CTDP1: variants seen among roughly 807,000 people sequenced by gnomAD.
CTDP1 encodes the protein RNA polymerase II subunit A C-terminal domain phosphatase.
In CTDP1, 47 loss-of-function variants were observed where a neutral mutation model predicts 91.8. The observed-to-expected ratio is 0.51, with a 90% confidence interval of 0.41 to 0.65. The LOEUF (loss-of-function observed/expected upper bound fraction) is 0.65, where lower values mean the gene tolerates loss of function less well. CTDP1 is among the 30% of genes least tolerant of loss of function. The probability of loss-of-function intolerance (pLI) is 0.00; values close to 1 mark genes in which losing one functional copy is unlikely to be tolerated. For synonymous variants in CTDP1, 656 were observed against 598.5 expected (o/e 1.10, Z -1.40); for missense variants, 1,272 against 1,373.7 (o/e 0.93, Z 1.17).
chr18:79,702,506 T>C (rs2085881503), intron 4 of CTDP1, among the ~76,000 whole-genome samples: 1 of 152,162 alleles, frequency 6.6e-6, no homozygotes, highest in Non-Finnish European at 1.5e-5. Context: ...CCCGAGTAGC[T>C]GGGACTACAG....
chr18:79,744,649 C>T (rs1373315599), intron 12 of CTDP1, among the ~76,000 whole-genome samples: 5 of 152,190 alleles, frequency 3.3e-5, no homozygotes, highest in African/African-American at 1.2e-4. Context: ...GATGGAATTA[C>T]GATGCTAAGA....
In CTDP1 at chr18:79,753,746, G is replaced by A. The variant is rs752541457; in HGVS notation, c.2842G>A (p.Glu948Lys). Residue 948 changes from glutamate (E) to lysine (K), a missense_variant, in exon 13 of 13, where the codon GAG becomes AAG. By Grantham distance (56) the Glu-to-Lys change is moderately conservative. Coordinates refer to ENST00000613122, the MANE Select transcript of CTDP1 (RefSeq NM_004715.5). ...TGAGGGCAGCAGCTCCGAGGCCGAC[G>A]AGATGGCCAAGGCGCTGGAGGCGGA... The part of the protein sequence containing the change: ...EDEGSSSEAD[E>K]MAKALEAELN... 13 of 1,613,778 alleles carry A rather than the reference G, an allele frequency of 8.1e-6. No homozygotes were observed. Among genetic ancestry groups the A allele is most frequent in the Middle Eastern group, 1.6e-4 (1 of 6,082 alleles).
intron 4 of CTDP1, among the ~76,000 whole-genome samples, chr18:79,700,219 A>T (rs1193272807): frequency 6.6e-6 from 1 of 152,192 alleles, no homozygotes; most frequent in Non-Finnish European, 1.5e-5. Flanking sequence ...AGGAAGGCTC[A>T]CCAGTCTCTC....
intron 10 of CTDP1, among the ~76,000 whole-genome samples, chr18:79,724,951 T>A (rs1043165029): frequency 1.3e-5 from 2 of 152,160 alleles, no homozygotes; most frequent in Admixed American, 6.5e-5. Flanking sequence ...TGTTTCTGGG[T>A]TTTCTGCCCG....
intron 12 of CTDP1, among the ~76,000 whole-genome samples, chr18:79,736,866 G>T (rs1599301970): frequency 6.7e-6 from 1 of 148,192 alleles, no homozygotes; most frequent in Non-Finnish European, 1.5e-5. Flanking sequence ...CGTGTGTGAG[G>T]TATCTACACG....
chr18:79,740,938 C>T (rs897402186), intron 12 of CTDP1, among the ~76,000 whole-genome samples: 1 of 152,188 alleles, frequency 6.6e-6, no homozygotes, highest in Non-Finnish European at 1.5e-5. Flanking sequence ...CCGAAAAGAA[C>T]AGGCGCCCAG....
chr18:79,725,218 GGGCCTGTGGGGCTGCACTT>G (rs2086421255), intron 10 of CTDP1, among the ~76,000 whole-genome samples: 1 of 152,152 alleles, frequency 6.6e-6, no homozygotes, highest in African/African-American at 2.4e-5. Flanking sequence ...TGACGTTGAG[GGGCCTGTGGGGCTGCACTT>G]GTCACGTTGT....
rs533224941 is a variant in CTDP1, at chr18:79,685,937, A to G, written c.314+5676A>G. Among the ~76,000 whole-genome samples the G allele has an allele frequency of 3.9e-5, 6 of 152,332 alleles. No individual in the cohort carries two copies. In the South Asian group the frequency reaches 1.0e-3, roughly 26 times the overall value. On this transcript the variant is annotated intron_variant, in intron 1 of 12. Coordinates refer to ENST00000613122, the MANE Select transcript of CTDP1 (RefSeq NM_004715.5). ...TGTTGACGCCTGCACTATTTAAAGG[A>G]TGATACTTTAAAAAAGATATTTGTG...
intron 10 of CTDP1, among the ~76,000 whole-genome samples, chr18:79,722,140 G>A (rs956718496): frequency 3.9e-5 from 6 of 152,146 alleles, no homozygotes; most frequent in African/African-American, 1.4e-4. Context: ...AAGTGAGCTA[G>A]GAATTTCTAA....
chr18:79,729,154 G>T (rs1568207937), intron 11 of CTDP1, 85 bp downstream of exon 11: 17 of 1,569,906 alleles, frequency 1.1e-5, no homozygotes, highest in African/African-American at 1.4e-5. Context: ...TTGCTGAGCT[G>T]TGCACCTGGA....
At position 79,679,821 on chromosome 18, in the gene CTDP1, C is replaced by T. The variant is rs2085315381; in HGVS notation, c.-127C>T. Reference sequence around the variant, plus strand: ...CTCCAGGAAGTCGGCGCGGGCTAGGCGACGGGTGGAAGCCGGTACCGAGAG... The same window carrying T: ...CTCCAGGAAGTCGGCGCGGGCTAGGTGACGGGTGGAAGCCGGTACCGAGAG... On this transcript the variant is annotated 5_prime_UTR_variant, in exon 1 of 13. Coordinates refer to ENST00000613122, the MANE Select transcript of CTDP1 (RefSeq NM_004715.5). The T allele has an allele frequency of 1.1e-6, 1 of 930,772 alleles. No individual in the cohort carries two copies. The highest frequency in any genetic ancestry group is 1.5e-6 in the Non-Finnish European group (1 of 663,190). The allele number at this position is 930,772 out of a possible 1,614,324, so 57.7% of individuals were successfully genotyped here.
chr18:79,706,127 C>T (rs2085962851), intron 5 of CTDP1, among the ~76,000 whole-genome samples: 1 of 152,180 alleles, frequency 6.6e-6, no homozygotes, highest in South Asian at 2.1e-4. Context: ...GGAATCAGGG[C>T]CCTTACCCAG....
chr18:79,711,309 G>T (rs761682299), intron 6 of CTDP1, among the ~76,000 whole-genome samples: 1 of 152,144 alleles, frequency 6.6e-6, no homozygotes, highest in Non-Finnish European at 1.5e-5. Context: ...CGAAGACCTG[G>T]CATCGAGATT....
chr18:79,735,444 C>T (rs551437617), intron 11 of CTDP1, among the ~76,000 whole-genome samples: 11 of 152,346 alleles, frequency 7.2e-5, no homozygotes, highest in South Asian at 2.1e-4. Flanking sequence ...TGGGAGCCCC[C>T]GGGAGAGCTG....
rs1412401895 is a variant in CTDP1, at chr18:79,726,795, GAA to G, written c.2418-2111_2418-2110del. 2.1e-3 allele frequency among the ~76,000 whole-genome samples: 249 copies of G among 119,110 alleles called. 3 individuals are homozygous for G. The East Asian group carries it at 0.028, about 13-fold the overall frequency. The allele number at this position is 119,110 out of a possible 152,430, so 78.1% of individuals were successfully genotyped here. On this transcript the variant is annotated intron_variant, in intron 10 of 12. Coordinates refer to ENST00000613122, the MANE Select transcript of CTDP1 (RefSeq NM_004715.5). The stretch of plus-strand genomic sequence containing the variant: ...CCATTGCTGGTGGACGGCTGTGGGG[GAA>G]GGGGGTGACGCTGTTGCTGGTGGAC...
rs2085322653 is a variant in CTDP1, at chr18:79,680,002, G to T, written c.55G>T (p.Val19Leu). 2 of 1,318,588 alleles carry T rather than the reference G, an allele frequency of 1.5e-6. No homozygotes were observed. Among genetic ancestry groups the T allele is most frequent in the East Asian group, 6.6e-5 (2 of 30,112 alleles). The allele number at this position is 1,318,588 out of a possible 1,614,324, so 81.7% of individuals were successfully genotyped here. Residue 19 changes from valine to leucine, a missense_variant, in exon 1 of 13, where the codon GTG becomes TTG. Val to Leu is a conservative substitution (Grantham distance 32). Coordinates refer to ENST00000613122, the MANE Select transcript of CTDP1 (RefSeq NM_004715.5). The part of the protein sequence containing the change: ...VPAEGAPTAA[V>L]AEVRCPGPAP... ...TGCCGAGGGCGCCCCGACGGCGGCT[G>T]TGGCCGAGGTGCGCTGCCCGGGGCC...
At chr18:79,732,432 G>A (rs1308879943) in intron 11 of CTDP1, among the ~76,000 whole-genome samples, 1 of 63,794 alleles carries the variant, frequency 1.6e-5, no homozygotes, top group African/African-American at 5.3e-5. Context: ...CCAAAATCAC[G>A]TGAGACATGA....
At chr18:79,733,822 A>T (rs1295289054) in intron 11 of CTDP1, among the ~76,000 whole-genome samples, 1 of 152,166 alleles carries the variant, frequency 6.6e-6, no homozygotes, top group Non-Finnish European at 1.5e-5. Flanking sequence ...GGTTGGTAGA[A>T]ACATTTCATT....
chr18:79,727,450 G>A (rs970922134), intron 10 of CTDP1, among the ~76,000 whole-genome samples: 2 of 151,960 alleles, frequency 1.3e-5, no homozygotes, highest in African/African-American at 4.8e-5. Context: ...TGGCATTCAC[G>A]GTGTTCGTGG....
Sources: gnomAD v4.1 joint callset for allele counts (sites outside exome capture counted in the v4.1 genomes callset) on GRCh38, gnomAD v4.1.1 for gene constraint, MANE v1.5 for transcripts, NCBI Gene and HGNC (gene_info 2026-07-23, HGNC 2026-07-21) for gene names.